The following WWOX variants were observed in gnomAD, a reference collection of about 807,000 sequenced individuals.
WWOX encodes WW domain-containing oxidoreductase.
WWOX carries 69 observed loss-of-function variants against 46.2 expected under a neutral mutation model. The ratio of observed to expected loss-of-function variants is 1.49; its 90% CI spans 1.23 to 1.82. The LOEUF is 1.82. Ranked by LOEUF, WWOX falls within the 40% of genes most tolerant of loss-of-function variation. WWOX has a pLI of 0.00. For missense variants in WWOX, 919 were observed against 542.6 expected (o/e 1.69, Z -6.89); for synonymous variants, 359 against 202.6 (o/e 1.77, Z -6.56).
chr16:78,774,051 T>G (rs745365254), intron 8 of WWOX, among the ~76,000 whole-genome samples: 2 of 152,182 alleles, frequency 1.3e-5, no homozygotes, highest in Non-Finnish European at 2.9e-5. Flanking sequence ...TTTTTTCATG[T>G]TCCTTGAAGG....
chr16:78,320,798 T>G (rs1023524704), intron 5 of WWOX, among the ~76,000 whole-genome samples: 1 of 152,200 alleles, frequency 6.6e-6, no homozygotes, highest in African/African-American at 2.4e-5. Flanking sequence ...AGTAACATTC[T>G]TAGAAAACTT....
chr16:78,695,267 C>T (rs1012192091), intron 8 of WWOX, among the ~76,000 whole-genome samples: 1 of 152,006 alleles, frequency 6.6e-6, no homozygotes, highest in Admixed American at 6.6e-5. Flanking sequence ...CACAGGCAAT[C>T]ACATATTTTA....
At chr16:78,935,107 G>A (rs560383193) in intron 8 of WWOX, among the ~76,000 whole-genome samples, 2 of 152,276 alleles carry the variant, frequency 1.3e-5, no homozygotes, top group Admixed American at 1.3e-4. Context: ...GGAAAAAACA[G>A]GTCCTGGAGA....
At chr16:78,249,237 T>C (rs2037913977) in intron 5 of WWOX, among the ~76,000 whole-genome samples, 1 of 152,174 alleles carries the variant, frequency 6.6e-6, no homozygotes, top group South Asian at 2.1e-4. Context: ...GGAGGTGTTG[T>C]GAATGTGAAC....
chr16:78,199,678 A>T (rs1297466207), intron 5 of WWOX, among the ~76,000 whole-genome samples: 1 of 152,146 alleles, frequency 6.6e-6, no homozygotes, highest in East Asian at 1.9e-4. Context: ...TGCGTAGATG[A>T]TCTTCTTTTA....
intron 8 of WWOX, among the ~76,000 whole-genome samples, chr16:78,793,969 G>T (rs1270259656): frequency 6.6e-6 from 1 of 152,120 alleles, no homozygotes; most frequent in African/African-American, 2.4e-5. Context: ...GGCTCAGAAA[G>T]ACCCATGCCA....
Position 78,432,561 on chromosome 16 carries a change from G to A in WWOX, c.865G>A (p.Ala289Thr), listed in dbSNP as rs1367426673. The change falls in exon 8 of 9, where the codon GCG (alanine) becomes ACG (threonine). Residue 289 changes from alanine to threonine, a missense_variant. Ala to Thr is a moderately conservative substitution (Grantham distance 58). Coordinates refer to ENST00000566780, the MANE Select transcript of WWOX (RefSeq NM_016373.4). ...CTCTCCAACAAAAAACGACTATTGG[G>A]CGATGCTGGCTTATAACAGGTCCAA... is the stretch of plus-strand genomic sequence containing the variant. The part of the protein sequence containing the change: ...RLSPTKNDYW[A>T]MLAYNRSKLC... The A allele has an allele frequency of 1.2e-6, 2 of 1,614,152 alleles. No individual in the cohort carries two copies. Among genetic ancestry groups the A allele is most frequent in the South Asian group, 1.1e-5 (1 of 91,080 alleles).
At chr16:78,246,115 C>G (rs1410794409) in intron 5 of WWOX, among the ~76,000 whole-genome samples, 7 of 152,110 alleles carry the variant, frequency 4.6e-5, no homozygotes, top group Non-Finnish European at 7.4e-5. Context: ...TTTATCATGG[C>G]TCATTTGGAG....
intron 8 of WWOX, among the ~76,000 whole-genome samples, chr16:78,498,122 A>C (rs533374206): frequency 5.4e-5 from 8 of 147,416 alleles, no homozygotes; most frequent in African/African-American, 2.0e-4. Context: ...GGAGAATGGC[A>C]TGAACATGGG....
At chr16:79,125,132 G>T (rs2049724102) in intron 8 of WWOX, among the ~76,000 whole-genome samples, 1 of 150,328 alleles carries the variant, frequency 6.7e-6, no homozygotes, top group South Asian at 2.1e-4. Context: ...CCATTTCTCA[G>T]TTTGAAAAGA....
At chr16:79,082,685 G>A (rs532855069) in intron 8 of WWOX, among the ~76,000 whole-genome samples, 1 of 152,266 alleles carries the variant, frequency 6.6e-6, no homozygotes, top group African/African-American at 2.4e-5. Context: ...GCTTCTGCCA[G>A]CACATTTGGA....
chr16:78,560,131 C>G (rs1020952211), intron 8 of WWOX, among the ~76,000 whole-genome samples: 1 of 152,084 alleles, frequency 6.6e-6, no homozygotes, highest in Non-Finnish European at 1.5e-5. Flanking sequence ...AGAAAATATT[C>G]TATACAAAAA....
chr16:78,271,750 G>A lies in WWOX; in HGVS notation c.516+107461G>A, dbSNP rs539109258. On this transcript the variant is annotated intron_variant, in intron 5 of 8. Coordinates refer to ENST00000566780, the MANE Select transcript of WWOX (RefSeq NM_016373.4). ...ACATGGGACTCTGCCCAGCGAGGGC[G>A]TTGGGAGGCCTGGCGGAGAAGCAGT... Among the ~76,000 whole-genome samples, 15 of 152,306 alleles carry A rather than the reference G, an allele frequency of 9.8e-5. 1 individual carries two copies. The South Asian group carries it at 1.2e-3, about 13-fold the overall frequency.
intron 6 of WWOX, among the ~76,000 whole-genome samples, chr16:78,407,074 G>A (rs1248426376): frequency 6.6e-6 from 1 of 152,190 alleles, no homozygotes; most frequent in Non-Finnish European, 1.5e-5. Context: ...CTGTTGAAGG[G>A]AATTGCTGTG....
At chr16:78,307,284 G>A (rs770513829) in intron 5 of WWOX, among the ~76,000 whole-genome samples, 12 of 152,196 alleles carry the variant, frequency 7.9e-5, no homozygotes, top group Non-Finnish European at 1.0e-4. Context: ...AATAGAGTAC[G>A]CTTCTAGGCT....
chr16:78,567,771 C>T (rs993384090), intron 8 of WWOX, among the ~76,000 whole-genome samples: 3 of 151,896 alleles, frequency 2.0e-5, no homozygotes, highest in Non-Finnish European at 4.4e-5. Flanking sequence ...AAGTTTTTCT[C>T]CCGCAACTGG....
chr16:78,935,321 A>C, intron 8 of WWOX, among the ~76,000 whole-genome samples: 1 of 152,306 alleles, frequency 6.6e-6, no homozygotes, highest in Admixed American at 6.5e-5. Flanking sequence ...TTATTGCGGC[A>C]CTATTCACAA....
intron 5 of WWOX, among the ~76,000 whole-genome samples, chr16:78,219,390 A>G (rs890655026): frequency 1.3e-5 from 2 of 152,214 alleles, no homozygotes; most frequent in Non-Finnish European, 2.9e-5. Context: ...TATGGACATT[A>G]AGCAATATCT....
chr16:79,011,170 C>CAT (rs2047299232), intron 8 of WWOX, among the ~76,000 whole-genome samples: 1 of 141,414 alleles, frequency 7.1e-6, no homozygotes, highest in Non-Finnish European at 1.5e-5. Context: ...CACACACACA[C>CAT]ACACTTTTTT....
Sources: gnomAD v4.1 joint callset for allele counts (sites outside exome capture counted in the v4.1 genomes callset) on GRCh38, gnomAD v4.1.1 for gene constraint, MANE v1.5 for transcripts, NCBI Gene and HGNC (gene_info 2026-07-23, HGNC 2026-07-21) for gene names.